Variants in TCF20 observed in about 807,000 individuals in gnomAD.
TCF20 encodes SPRE-binding protein.
In TCF20, 3 loss-of-function variants were observed where a neutral mutation model predicts 148.6. The observed-to-expected ratio is 0.02, with a 90% CI of 0.01 to 0.05. TCF20 has a LOEUF of 0.05. Among genes scored for constraint, TCF20 ranks in the 10% least tolerant of loss-of-function variants. The pLI, the probability that TCF20 is intolerant of heterozygous loss-of-function variation, is 1.00. For synonymous variants in TCF20, 1,049 were observed against 909.5 expected (o/e 1.15, Z -2.76); for missense variants, 2,350 against 2,429.3 (o/e 0.97, Z 0.69).
chr22:42,201,045 T>TGA (rs1276357558), intron 2 of TCF20, among the ~76,000 whole-genome samples: 2 of 152,228 alleles, frequency 1.3e-5, no homozygotes, highest in Non-Finnish European at 2.9e-5. Flanking sequence ...GCTATTCCTG[T>TGA]GATACTGAGT....
intron 1 of TCF20, among the ~76,000 whole-genome samples, chr22:42,250,517 A>G (rs1441904658): frequency 6.6e-6 from 1 of 151,082 alleles, no homozygotes; most frequent in African/African-American, 2.4e-5. Context: ...TTTGTGAAAG[A>G]TAAAATTCAA....
chr22:42,241,389 T>C (rs1396087177), intron 1 of TCF20, among the ~76,000 whole-genome samples: 6 of 152,182 alleles, frequency 3.9e-5, no homozygotes, highest in Non-Finnish European at 2.9e-5. Flanking sequence ...ATATTTAGTA[T>C]GTTCTAGGAA....
At position 42,211,868 on chromosome 22, in the gene TCF20, G is replaced by A. The variant is rs1287462969; in HGVS notation, c.3438C>T (p.Gly1146=). 6.2e-7 allele frequency: 1 copy of A among 1,614,142 alleles called. No individual in the cohort carries two copies. Residue 1146 remains glycine, a synonymous_variant, in exon 2 of 6, where the codon GGC becomes GGT. Coordinates refer to ENST00000677622, the MANE Select transcript of TCF20 (RefSeq NM_001378418.1). ...LKNDKDGMMY[G]PPVGTYHDPS... is the part of the protein sequence containing the mutation. ...GGTCATGGTAAGTCCCCACTGGTGGGCCATACATCATACCATCTTTGTCAT... is the reference window on the plus strand; with the variant it reads ...GGTCATGGTAAGTCCCCACTGGTGGACCATACATCATACCATCTTTGTCAT...
intron 1 of TCF20, among the ~76,000 whole-genome samples, chr22:42,246,144 C>CA (rs1924884971): frequency 6.6e-6 from 1 of 152,136 alleles, no homozygotes; most frequent in African/African-American, 2.4e-5. Context: ...CTCACTCTGT[C>CA]ACCCAGGCTG....
intron 1 of TCF20, among the ~76,000 whole-genome samples, chr22:42,239,798 TAAATA>T (rs1357208561): frequency 2.6e-5 from 4 of 152,008 alleles, no homozygotes; most frequent in African/African-American, 9.7e-5. Context: ...GACTCAAAAA[TAAATA>T]AAATAAAATG....
At chr22:42,204,719 A>G (rs1315112493) in intron 2 of TCF20, among the ~76,000 whole-genome samples, 1 of 150,842 alleles carries the variant, frequency 6.6e-6, no homozygotes, top group African/African-American at 2.4e-5. Context: ...GTGGTGCATG[A>G]CTGCAGTCCC....
At chr22:42,327,737 G>A (rs951082936) in intron 1 of TCF20, among the ~76,000 whole-genome samples, 1 of 151,334 alleles carries the variant, frequency 6.6e-6, no homozygotes, top group African/African-American at 2.4e-5. Context: ...GGGGCTCTAA[G>A]GACATTCCAG....
At chr22:42,342,663 G>A (rs1396858314) in intron 1 of TCF20, among the ~76,000 whole-genome samples, 1 of 152,208 alleles carries the variant, frequency 6.6e-6, no homozygotes, top group African/African-American at 2.4e-5. Context: ...TCAGAAGCAG[G>A]TGGACAAGGC....
chr22:42,234,757 CAAG>C (rs959325471), intron 1 of TCF20, among the ~76,000 whole-genome samples: 1 of 152,066 alleles, frequency 6.6e-6, no homozygotes, highest in African/African-American at 2.4e-5. Context: ...TCTAAGTATC[CAAG>C]AAGAGCATCA....
chr22:42,286,930 C>T (rs954283511), upstream of TCF20, among the ~76,000 whole-genome samples: 1 of 152,148 alleles, frequency 6.6e-6, no homozygotes, highest in Non-Finnish European at 1.5e-5. Context: ...AACACCCTAA[C>T]ATGAGTGAGG....
intron 2 of TCF20, among the ~76,000 whole-genome samples, chr22:42,181,633 T>C (rs1017031172): frequency 1.3e-5 from 2 of 149,466 alleles, no homozygotes; most frequent in African/African-American, 5.0e-5. Context: ...TTTGAGACGA[T>C]GTCTTGCTCT....
upstream of TCF20, among the ~76,000 whole-genome samples, chr22:42,287,004 C>T (rs1033623365): frequency 2.0e-5 from 3 of 151,338 alleles, no homozygotes; most frequent in Admixed American, 6.6e-5. Flanking sequence ...AGCTGGGAGT[C>T]GGCATCAGGA....
rs895928044 is a variant in TCF20 at position 42,160,732 on chromosome 22, T to C, written c.*671A>G. 10 of 152,346 alleles carry C rather than the reference T, an allele frequency of 6.6e-5. No individual in the cohort carries two copies. Among genetic ancestry groups the C allele is most frequent in the African/African-American group, 2.4e-4 (10 of 41,536 alleles). The allele number at this position is 152,346 out of a possible 1,614,324, so 9.4% of individuals were successfully genotyped here. On this transcript the variant is annotated 3_prime_UTR_variant, in exon 6 of 6. Coordinates refer to ENST00000677622, the MANE Select transcript of TCF20 (RefSeq NM_001378418.1). ...CATCATTCCCCTACTCTTGAAAACA[T>C]GGACCATCCCTGTATTTCCCCCTCC...
At chr22:42,200,982 A>T (rs1389165395) in intron 2 of TCF20, among the ~76,000 whole-genome samples, 1 of 152,230 alleles carries the variant, frequency 6.6e-6, no homozygotes, top group Non-Finnish European at 1.5e-5. Flanking sequence ...GTTGAACTGT[A>T]GCACCCAATG....
intron 1 of TCF20, among the ~76,000 whole-genome samples, chr22:42,262,614 TG>T (rs1230720831): frequency 6.6e-6 from 1 of 152,066 alleles, no homozygotes; most frequent in East Asian, 1.9e-4. Flanking sequence ...AACAAAAGCC[TG>T]GGGAGATCAG....
intron 1 of TCF20, among the ~76,000 whole-genome samples, chr22:42,323,864 T>G (rs866012704): frequency 8.6e-6 from 1 of 116,290 alleles, no homozygotes; most frequent in East Asian, 2.7e-4. Context: ...GAGGTTATGG[T>G]GGTGGTGGTG....
At chr22:42,208,405 T>G (rs1011859223) in intron 2 of TCF20, among the ~76,000 whole-genome samples, 2 of 152,118 alleles carry the variant, frequency 1.3e-5, no homozygotes, top group African/African-American at 4.8e-5. Flanking sequence ...AGTGGAAGGA[T>G]TGCTTGAGTC....
intron 2 of TCF20, among the ~76,000 whole-genome samples, chr22:42,184,121 C>T (rs1423190065): frequency 6.6e-6 from 1 of 152,098 alleles, no homozygotes; most frequent in Non-Finnish European, 1.5e-5. Context: ...GTGAAACCTA[C>T]AATTTCACTA....
Position 42,213,286 on chromosome 22 carries a change from T to C in TCF20, c.2020A>G (p.Asn674Asp). The change falls in exon 2 of 6, where the codon AAC becomes GAC. Residue 674 changes from asparagine to aspartate, a missense_variant. Transcript: ENST00000677622. ...KGNKNGDNNS[N>D]HNGEGNGQSG... ...TGGCCATTTCCTTCTCCATTATGGT[T>C]GGAGTTGTTATCGCCATTCTTGTTT... is the stretch of plus-strand genomic sequence containing the variant. 1 of 1,614,180 alleles carries C rather than the reference T, an allele frequency of 6.2e-7. No individual in the cohort carries two copies. Among genetic ancestry groups the C allele is most frequent in the South Asian group, 1.1e-5 (1 of 91,086 alleles).
Sources: allele counts gnomAD v4.1 joint callset (sites outside exome capture counted in the v4.1 genomes callset), GRCh38; gene constraint gnomAD v4.1.1; transcripts MANE v1.5; gene names NCBI Gene and HGNC (gene_info 2026-07-23, HGNC 2026-07-21).